HIBADH: variants seen among roughly 807,000 people sequenced by gnomAD.
The protein encoded by HIBADH is 3-hydroxyisobutyrate dehydrogenase, mitochondrial.
In HIBADH, 25 loss-of-function variants were observed where a neutral mutation model predicts 36.1. That is an observed-to-expected ratio of 0.69 (90% CI 0.50 to 0.97). HIBADH has a LOEUF of 0.97. Ranked by LOEUF, HIBADH falls within the 50% of genes least tolerant of loss-of-function variation. The pLI, the probability that HIBADH is intolerant of heterozygous loss-of-function variation, is 0.00. For missense variants in HIBADH, 421 were observed against 418.0 expected, an observed-to-expected ratio of 1.01 and a Z score of -0.06; for synonymous variants, 160 against 149.5, an observed-to-expected ratio of 1.07 and a Z score of -0.51.
chr7:27,551,866 A>C (rs1784323586), intron 4 of HIBADH, among the ~76,000 whole-genome samples: 2 of 152,212 alleles, frequency 1.3e-5, no homozygotes, highest in Non-Finnish European at 1.5e-5. Flanking sequence ...AAGAGGACCA[A>C]TGGGACTTGG....
chr7:27,601,377 G>T (rs941411807), intron 4 of HIBADH, among the ~76,000 whole-genome samples: 21 of 152,144 alleles, frequency 1.4e-4, no homozygotes, highest in African/African-American at 4.6e-4. Flanking sequence ...AATGATAATT[G>T]CAATGCCTAA....
In HIBADH at chr7:27,619,836, T is replaced by C. The variant is rs138579393; in HGVS notation, c.484+9535A>G. 1.9e-4 allele frequency among the ~76,000 whole-genome samples: 29 copies of C among 152,256 alleles called. No individual in the cohort carries two copies. In the East Asian group the frequency reaches 5.4e-3, roughly 28 times the overall value. On this transcript the variant is annotated intron_variant, in intron 4 of 7. Coordinates refer to ENST00000265395, the MANE Select transcript of HIBADH (RefSeq NM_152740.4). ...TGGGACAACATACAGTGACCAAATA[T>C]ACAAATCATCAGTATCTCCAAACCC...
intron 4 of HIBADH, among the ~76,000 whole-genome samples, chr7:27,551,253 G>A (rs1296343362): frequency 6.6e-6 from 1 of 152,110 alleles, no homozygotes; most frequent in Non-Finnish European, 1.5e-5. Flanking sequence ...GGAGTTAAAA[G>A]TGAAAAACGT....
At chr7:27,585,167 GTATA>G in intron 4 of HIBADH, among the ~76,000 whole-genome samples, 1 of 151,688 alleles carries the variant, frequency 6.6e-6, no homozygotes, top group South Asian at 2.1e-4. Context: ...TTTTATATAT[GTATA>G]TATGTGTGTA....
At position 27,526,125 on chromosome 7, in the gene HIBADH, G is replaced by C. The variant is rs1209378302; in HGVS notation, c.*89C>G. 2 of 1,149,696 alleles carry C rather than the reference G, an allele frequency of 1.7e-6. No individual in the cohort carries two copies. Among genetic ancestry groups the C allele is most frequent in the Non-Finnish European group, 2.4e-6 (2 of 845,504 alleles). The allele number at this position is 1,149,696 out of a possible 1,614,324, so 71.2% of individuals were successfully genotyped here. ...AATCAAAAGCAGATAGGTGACCTTT[G>C]ATTAAATCCATTTACTTGTGGAGTG... is the stretch of plus-strand genomic sequence containing the variant. On this transcript the variant is annotated 3_prime_UTR_variant, in exon 8 of 8. Coordinates refer to ENST00000265395, the MANE Select transcript of HIBADH (RefSeq NM_152740.4).
chr7:27,660,538 G>A (rs564260223), intron 1 of HIBADH, among the ~76,000 whole-genome samples: 3 of 152,164 alleles, frequency 2.0e-5, no homozygotes, highest in Admixed American at 1.3e-4. Context: ...GGTGGCAGGC[G>A]CCTGTAGTCC....
chr7:27,566,099 G>A (rs896774381), intron 4 of HIBADH, among the ~76,000 whole-genome samples: 2 of 152,018 alleles, frequency 1.3e-5, no homozygotes, highest in Admixed American at 6.6e-5. Flanking sequence ...TATGTGTACA[G>A]TATAAAGAAT....
chr7:27,553,245 A>G (rs552149029), intron 4 of HIBADH, among the ~76,000 whole-genome samples: 15 of 152,320 alleles, frequency 9.8e-5, no homozygotes, highest in African/African-American at 3.6e-4. Context: ...AAACAGCTGA[A>G]ACCACAATAC....
At position 27,637,613 on chromosome 7, in the gene HIBADH, A is replaced by G. The variant is rs565474663; in HGVS notation, c.253-5168T>C. On this transcript the variant is annotated intron_variant, in intron 2 of 7. Transcript: ENST00000265395. ...TCCTGGCCAGAGCAATCAGGCAAGA[A>G]ATAAAAGGCATTCAAATATGAAGAG... 3.3e-5 allele frequency among the ~76,000 whole-genome samples: 5 copies of G among 152,262 alleles called. No homozygotes were observed. The East Asian group carries it at 9.7e-4, about 29-fold the overall frequency.
intron 4 of HIBADH, among the ~76,000 whole-genome samples, chr7:27,557,668 C>A (rs1268277488): frequency 6.6e-6 from 1 of 152,134 alleles, no homozygotes; most frequent in Non-Finnish European, 1.5e-5. Flanking sequence ...TGGCAGAAGA[C>A]AGAAGGGCAA....
At chr7:27,571,204 T>G (rs190819536) in intron 4 of HIBADH, among the ~76,000 whole-genome samples, 1 of 147,520 alleles carries the variant, frequency 6.8e-6, no homozygotes, top group East Asian at 2.1e-4. Flanking sequence ...GGATCCTTAT[T>G]CATTTTCAAT....
intron 4 of HIBADH, among the ~76,000 whole-genome samples, chr7:27,594,138 G>GT (rs781391730): frequency 5.2e-5 from 3 of 57,732 alleles, no homozygotes; most frequent in African/African-American, 1.2e-4. Context: ...ACATAAAGAT[G>GT]TTTTTGTTTT....
chr7:27,627,977 T>C (rs1301424443), intron 4 of HIBADH, among the ~76,000 whole-genome samples: 2 of 152,166 alleles, frequency 1.3e-5, no homozygotes, highest in African/African-American at 2.4e-5. Context: ...TAATTTCAGG[T>C]TGTACTCTTG....
At chr7:27,645,306 C>T (rs1335524148) in intron 2 of HIBADH, among the ~76,000 whole-genome samples, 4 of 148,858 alleles carry the variant, frequency 2.7e-5, no homozygotes, top group Non-Finnish European at 5.9e-5. Flanking sequence ...TCTACAACCT[C>T]ACAAACACAT....
chr7:27,546,862 C>G (rs1488809147), intron 4 of HIBADH, among the ~76,000 whole-genome samples: 1 of 152,190 alleles, frequency 6.6e-6, no homozygotes, highest in African/African-American at 2.4e-5. Context: ...TCCCTACTAC[C>G]ACGGTCTGAG....
At chr7:27,612,603 A>G (rs1420276432) in intron 4 of HIBADH, among the ~76,000 whole-genome samples, 1 of 150,696 alleles carries the variant, frequency 6.6e-6, no homozygotes, top group Admixed American at 6.6e-5. Flanking sequence ...GATTACAGGC[A>G]TGAGCCACCG....
chr7:27,637,296 T>C (rs1399075705), intron 2 of HIBADH, among the ~76,000 whole-genome samples: 1 of 152,204 alleles, frequency 6.6e-6, no homozygotes, highest in Non-Finnish European at 1.5e-5. Context: ...CCCAGACAGT[T>C]TGGTTCCGGG....
chr7:27,574,112 G>A (rs938443726), intron 4 of HIBADH, among the ~76,000 whole-genome samples: 1 of 152,150 alleles, frequency 6.6e-6, no homozygotes, highest in Non-Finnish European at 1.5e-5. Context: ...CTCCAAAAAT[G>A]AGCTTGATTG....
In HIBADH at chr7:27,535,307, A is replaced by C. The variant is rs78755939; in HGVS notation, c.695+3034T>G. ...GTTATATTTATTAGGGTAAACAACTAAGGCTCCAGTCATCACATAAATGCA... is the reference window on the plus strand; with the variant it reads ...GTTATATTTATTAGGGTAAACAACTCAGGCTCCAGTCATCACATAAATGCA... On this transcript the variant is annotated intron_variant, in intron 6 of 7. Coordinates refer to ENST00000265395, the MANE Select transcript of HIBADH (RefSeq NM_152740.4). 2.8e-3 allele frequency among the ~76,000 whole-genome samples: 431 copies of C among 152,176 alleles called. 2 individuals carry two copies. Among genetic ancestry groups the C allele is most frequent in the Non-Finnish European group, 5.3e-3 (359 of 67,988 alleles).
Sources: allele counts gnomAD v4.1 joint callset (sites outside exome capture counted in the v4.1 genomes callset), GRCh38; gene constraint gnomAD v4.1.1; transcripts MANE v1.5; gene names NCBI Gene and HGNC (gene_info 2026-07-23, HGNC 2026-07-21).